Variants in DCUN1D1 observed in about 807,000 individuals in gnomAD.
DCUN1D1 encodes defective in cullin neddylation 1 domain containing 1, also known as DCN1-like protein 1.
In DCUN1D1, 3 loss-of-function variants were observed where a neutral mutation model predicts 39.0. The observed-to-expected ratio is 0.08, with a 90% confidence interval of 0.04 to 0.20. The LOEUF (loss-of-function observed/expected upper bound fraction) is 0.20. Among genes scored for constraint, DCUN1D1 ranks in the 10% least tolerant of loss-of-function variants. The pLI is 1.00. For synonymous variants in DCUN1D1, 82 were observed against 96.3 expected, an observed-to-expected ratio of 0.85 and a Z score of 0.87; for missense variants, 158 against 302.4, an observed-to-expected ratio of 0.52 and a Z score of 3.54.
chr3:182,978,040 CAA>C (rs71185618), intron 1 of DCUN1D1, among the ~76,000 whole-genome samples: 1 of 136,662 alleles, frequency 7.3e-6, no homozygotes, highest in East Asian at 2.1e-4. Context: ...AACTCCATCT[CAA>C]AAAAAAAAAA....
At chr3:182,955,451 C>A in intron 4 of DCUN1D1, 1 of 541,962 alleles carries the variant, frequency 1.8e-6, no homozygotes. Context: ...ACATGGTCTA[C>A]ACGTTATGAG....
At chr3:182,972,119 G>A (rs1727974973) in intron 1 of DCUN1D1, among the ~76,000 whole-genome samples, 1 of 122,580 alleles carries the variant, frequency 8.2e-6, no homozygotes, top group South Asian at 2.9e-4. Flanking sequence ...TTATTTTTAA[G>A]ACAAGCAATA....
At chr3:182,983,575 C>T (rs567870914), upstream of DCUN1D1, among the ~76,000 whole-genome samples, 4 of 152,200 alleles carry the variant, frequency 2.6e-5, no homozygotes, top group Non-Finnish European at 5.9e-5. Flanking sequence ...GGCATGGTTG[C>T]GCATGCCTGC....
intron 1 of DCUN1D1, among the ~76,000 whole-genome samples, chr3:182,976,132 C>T (rs1217247066): frequency 1.3e-5 from 2 of 152,014 alleles, no homozygotes; most frequent in African/African-American, 4.8e-5. Flanking sequence ...TTTTATTGAA[C>T]ATTAGACAGT....
At chr3:182,954,101 A>C (rs1471946479) in intron 4 of DCUN1D1, among the ~76,000 whole-genome samples, 1 of 152,220 alleles carries the variant, frequency 6.6e-6, no homozygotes, top group East Asian at 1.9e-4. Context: ...ATAACAATGA[A>C]AAAAGAGATA....
intron 4 of DCUN1D1, chr3:182,956,183 C>A: frequency 4.4e-6 from 1 of 226,606 alleles, no homozygotes; most frequent in Non-Finnish European, 9.3e-6. Context: ...CCACCTCAGC[C>A]TCCAAAGTGC....
At chr3:182,959,237 G>C (rs111581760) in intron 4 of DCUN1D1, among the ~76,000 whole-genome samples, 2 of 152,200 alleles carry the variant, frequency 1.3e-5, no homozygotes, top group African/African-American at 4.8e-5. Flanking sequence ...AAGTTGGAAA[G>C]GAGGCTTTAT....
intron 4 of DCUN1D1, chr3:182,951,028 A>G (rs929356946): frequency 1.3e-5 from 2 of 150,520 alleles, no homozygotes; most frequent in Admixed American, 1.3e-4. Context: ...AAAAAAAAAA[A>G]AAAAATACAT....
At chr3:182,950,251 A>G (rs1016421871) in intron 4 of DCUN1D1, among the ~76,000 whole-genome samples, 13 of 151,878 alleles carry the variant, frequency 8.6e-5, no homozygotes, top group African/African-American at 2.9e-4. Context: ...TGGTTCAAGC[A>G]ATTCTCCTGC....
rs1188504360 is a variant in DCUN1D1, at chr3:182,938,211, T to C, written c.*6883A>G. On this transcript the variant is annotated 3_prime_UTR_variant, in exon 7 of 7. Transcript: ENST00000292782. ...CAAAATTTCACCTTACATTTGAAAT[T>C]GCATAGAAATTTAAAGTGCTAAAGC... is the stretch of plus-strand genomic sequence containing the variant. The C allele has an allele frequency of 6.6e-6, 1 of 152,184 alleles. No homozygotes were observed. The highest frequency in any genetic ancestry group is 1.5e-5 in the Non-Finnish European group (1 of 68,018). The allele number at this position is 152,184 out of a possible 1,614,324, so 9.4% of individuals were successfully genotyped here. A position where few individuals can be genotyped will look rare whatever the true frequency, so the allele number is the denominator to read the frequency against.
chr3:182,974,484 C>A (rs201675924), intron 1 of DCUN1D1, among the ~76,000 whole-genome samples: 4 of 139,174 alleles, frequency 2.9e-5, no homozygotes, highest in Admixed American at 7.2e-5. Context: ...AAAAAAAAAA[C>A]CAACACACAA....
At position 182,963,890 on chromosome 3, in the gene DCUN1D1, G is replaced by A. The variant is rs1441790437; in HGVS notation, c.380C>T (p.Thr127Ile). Residue 127 changes from threonine to isoleucine, a missense_variant, in exon 3 of 7, where the codon ACA becomes ATA. Physicochemically the swap from Thr to Ile is moderately conservative, Grantham distance 89. Transcript: ENST00000292782. The stretch of plus-strand genomic sequence containing the variant: ...GTAATTATATACTCACCCTAATTCT[G>A]TCATGCCATCCATGAACTCCTGTTT... ...FSKQEFMDGM[T>I]ELGCDSIEKL... The A allele has an allele frequency of 6.2e-7, 1 of 1,608,672 alleles. No individual in the cohort carries two copies. The highest frequency in any genetic ancestry group is 1.1e-5 in the South Asian group (1 of 90,360).
rs576652691 is a variant in DCUN1D1, at chr3:182,943,254, GATATATAT to G, written c.*1832_*1839del. 6.8e-6 allele frequency: 1 copy of G among 146,596 alleles called. No homozygotes were observed. The highest frequency in any genetic ancestry group is 2.5e-5 in the African/African-American group (1 of 40,036). The allele number at this position is 146,596 out of a possible 1,614,324, so 9.1% of individuals were successfully genotyped here. ...AACAGTACATATATATAGATATATA[GATATATAT>G]ATCTTTTAAAAATTTTTCATAATTG... On this transcript the variant is annotated 3_prime_UTR_variant, in exon 7 of 7. Coordinates refer to ENST00000292782, the MANE Select transcript of DCUN1D1 (RefSeq NM_020640.4).
At chr3:182,970,132 C>T (rs1727857611) in intron 1 of DCUN1D1, among the ~76,000 whole-genome samples, 1 of 151,918 alleles carries the variant, frequency 6.6e-6, no homozygotes, top group Non-Finnish European at 1.5e-5. Context: ...GTAGCGCACA[C>T]CTATAGTCCT....
Position 182,941,920 on chromosome 3 carries a change from TA to T in DCUN1D1, c.*3173del. 1 of 152,228 alleles carries T rather than the reference TA, an allele frequency of 6.6e-6. No individual in the cohort carries two copies. The highest frequency in any genetic ancestry group is 3.4e-3 in the Middle Eastern group (1 of 294). The allele number at this position is 152,228 out of a possible 1,614,324, so 9.4% of individuals were successfully genotyped here. On this transcript the variant is annotated 3_prime_UTR_variant, in exon 7 of 7. Coordinates refer to ENST00000292782, the MANE Select transcript of DCUN1D1 (RefSeq NM_020640.4). ...CTTAATAGTAACATGTTTAAAAACC[TA>T]AGCAAAGTGTACATTAAGTTAGCTA...
intron 4 of DCUN1D1, chr3:182,955,471 C>T (rs7641467): frequency 0.7 from 376,463 of 535,802 alleles, 135,875 homozygotes; most frequent in Non-Finnish European, 0.76. Flanking sequence ...GATAAGAATC[C>T]TCCACTGTCT....
At chr3:182,967,159 T>TATATATATA (rs1727714739) in intron 1 of DCUN1D1, among the ~76,000 whole-genome samples, 2 of 147,304 alleles carry the variant, frequency 1.4e-5, no homozygotes, top group African/African-American at 5.1e-5. Flanking sequence ...TATATATATA[T>TATATATATA]TTTCTGTGGT....
At chr3:182,951,783 G>A (rs528236711) in intron 4 of DCUN1D1, among the ~76,000 whole-genome samples, 15 of 144,666 alleles carry the variant, frequency 1.0e-4, no homozygotes, top group Non-Finnish European at 1.8e-4. Context: ...CACAACCTCC[G>A]CCTCCCGGGT....
In DCUN1D1 at chr3:182,961,329, G is replaced by C. The variant is rs775772964; in HGVS notation, c.417C>G (p.Ala139=). The C allele has an allele frequency of 1.9e-6, 3 of 1,601,480 alleles. No homozygotes were observed. In the East Asian group the frequency reaches 6.8e-5, roughly 36 times the overall value. Residue 139 remains alanine, a synonymous_variant, in exon 4 of 7, where the codon GCC becomes GCG. Transcript: ENST00000292782. ...LGCDSIEKLK[A]QIPKMEQELK... The stretch of plus-strand genomic sequence containing the variant: ...ATTCTTGTTCCATCTTGGGTATCTG[G>C]GCCTTTAGTTTTTCTATGCTGTCAC...
Sources: allele counts gnomAD v4.1 joint callset (sites outside exome capture counted in the v4.1 genomes callset), GRCh38; gene constraint gnomAD v4.1.1; transcripts MANE v1.5; gene names NCBI Gene and HGNC (gene_info 2026-07-23, HGNC 2026-07-21).